Variants in ZNF117 observed in about 807,000 individuals in gnomAD.
ZNF117 encodes the protein zinc finger protein 117, also known as Krueppel-related zinc finger protein.
In ZNF117, 37 loss-of-function variants were observed where a neutral mutation model predicts 41.2. The ratio of observed to expected loss-of-function variants is 0.90; its 90% confidence interval spans 0.69 to 1.18. The LOEUF (loss-of-function observed/expected upper bound fraction) is 1.18, where lower values mean the gene tolerates loss of function less well. Ranked by LOEUF, ZNF117 falls within the 50% of genes most tolerant of loss-of-function variation. The pLI is 0.00. For synonymous variants in ZNF117, 186 were observed against 186.6 expected (o/e 1.00, Z 0.02); for missense variants, 546 against 557.5 (o/e 0.98, Z 0.21).
upstream of ZNF117, among the ~76,000 whole-genome samples, chr7:64,983,976 C>A (rs1424586326): frequency 6.6e-6 from 1 of 152,202 alleles, no homozygotes; most frequent in Non-Finnish European, 1.5e-5. Context: ...ACCCAAATTG[C>A]ACAGCTACTC....
chr7:64,976,718 T>C (rs1005421723), exon 3 of ZNF117: 2 of 353,242 alleles, frequency 5.7e-6, no homozygotes, highest in Non-Finnish European at 5.6e-6. Flanking sequence ...CTTTGTACCA[T>C]TCTTCATATT....
chr7:64,989,481 A>G lies in ZNF117; in HGVS notation c.-196+466T>C, dbSNP rs1179839622. ...TATATATATATATATATATATATAT[A>G]TATATATATATATATATAAAACCTG... is the stretch of plus-strand genomic sequence containing the variant. On this transcript the variant is annotated intron_variant, in intron 1 of 3. Transcript: ENST00000282869. Among the ~76,000 whole-genome samples the G allele has an allele frequency of 4.3e-5, 4 of 93,830 alleles. No homozygotes were observed. In the South Asian group the frequency reaches 9.7e-4, roughly 23 times the overall value. The allele number at this position is 93,830 out of a possible 152,430, so 61.6% of individuals were successfully genotyped here. A position where few individuals can be genotyped will look rare whatever the true frequency, so the allele number is the denominator to read the frequency against.
At chr7:64,979,316 T>C (rs1478356247) in exon 3 of ZNF117, 2 of 1,592,890 alleles carry the variant, frequency 1.3e-6, no homozygotes, top group East Asian at 2.2e-5. Context: ...CTTCTACATA[T>C]TTATTACATT....
chr7:64,983,307 G>C (rs1468820067), upstream of ZNF117, among the ~76,000 whole-genome samples: 1 of 152,044 alleles, frequency 6.6e-6, no homozygotes, highest in Non-Finnish European at 1.5e-5. Flanking sequence ...AGCCACAGAG[G>C]GAACATTTTT....
At chr7:64,982,008 T>C in exon 1 of ZNF117, 1 of 728,412 alleles carries the variant, frequency 1.4e-6, no homozygotes, top group East Asian at 2.7e-5. Context: ...ACCAGGTTTC[T>C]GTAGTTCTCT....
At position 64,978,390 on chromosome 7, in the gene ZNF117, G is replaced by C. The variant is rs186752496; in HGVS notation, c.1181C>G (p.Ser394Cys). ...TGAGGATAGGTGGAAAACTTTGCCA[G>C]ATTCTCTACATTTGTGGGGATTCTC... Residue 394 changes from serine (S) to cysteine (C), a missense_variant, in exon 3 of 3, where the codon TCT becomes TGT. Transcript: ENST00000620222. The C allele has an allele frequency of 4.3e-6, 7 of 1,612,320 alleles. No individual in the cohort carries two copies. In the African/African-American group the frequency reaches 8.1e-5, roughly 19 times the overall value.
exon 3 of ZNF117, chr7:64,979,235 T>A (rs3807068): frequency 1.2e-5 from 20 of 1,607,148 alleles, no homozygotes; most frequent in South Asian, 7.8e-5. Context: ...TGCGACATTC[T>A]TTACATTTAA....
chr7:64,983,808 A>C (rs1365817117), upstream of ZNF117, among the ~76,000 whole-genome samples: 6 of 152,212 alleles, frequency 3.9e-5, no homozygotes, highest in African/African-American at 1.4e-4. Context: ...TGGGGCCTCT[A>C]AAACAGAAAC....
exon 3 of ZNF117, chr7:64,978,704 G>A (rs574375280): frequency 1.2e-6 from 2 of 1,612,498 alleles, no homozygotes; most frequent in African/African-American, 1.3e-5. Context: ...TAAGGGTTGA[G>A]GACTGGTTAA....
At chr7:64,983,736 C>T (rs1159610056), upstream of ZNF117, among the ~76,000 whole-genome samples, 1 of 152,212 alleles carries the variant, frequency 6.6e-6, no homozygotes, top group Non-Finnish European at 1.5e-5. Context: ...CAGAGATAGA[C>T]AGAGATAGCT....
chr7:64,987,376 T>C (rs1459016450), intron 1 of ZNF117, among the ~76,000 whole-genome samples: 1 of 152,048 alleles, frequency 6.6e-6, no homozygotes, highest in African/African-American at 2.4e-5. Flanking sequence ...TGTAATATCA[T>C]AAATAAAATG....
chr7:64,980,460 A>C (rs1786001413), intron 2 of ZNF117: 1 of 151,290 alleles, frequency 6.6e-6, no homozygotes, highest in African/African-American at 2.4e-5. Flanking sequence ...AAAATCATAA[A>C]AATTGGGATA....
chr7:64,978,868 T>C (rs775090489), exon 3 of ZNF117: 2 of 1,613,664 alleles, frequency 1.2e-6, no homozygotes, highest in Admixed American at 1.7e-5. Flanking sequence ...TCAGTAAGCT[T>C]TGAGGCTTGG....
At chr7:64,981,255 T>TA (rs200296323) in intron 2 of ZNF117, 132 bp downstream of exon 3, 967 of 1,127,856 alleles carry the variant, frequency 8.6e-4, no homozygotes, top group Non-Finnish European at 1.0e-3. Context: ...GAGAGAAAAA[T>TA]AAAAAAAAAC....
At chr7:64,978,806 G>C in exon 3 of ZNF117, 2 of 1,613,372 alleles carry the variant, frequency 1.2e-6, no homozygotes, top group Non-Finnish European at 1.7e-6. Context: ...TAAAAGCTTT[G>C]CCGCATTCTT....
rs148723682 is a variant in ZNF117 at position 64,989,146 on chromosome 7, T to TAC, written c.-196+799_-196+800dup. 1.3e-3 allele frequency among the ~76,000 whole-genome samples: 197 copies of TAC among 148,288 alleles called. 1 individual carries two copies. The highest frequency in any genetic ancestry group is 7.7e-3 in the East Asian group (38 of 4,948). On this transcript the variant is annotated intron_variant, in intron 1 of 3. Transcript: ENST00000282869. ...GAGCCCGAATACCCAAGGCAATGTA[T>TAC]ACACACACACACACACATATATACA...
chr7:64,980,150 A>T (rs980783395), intron 2 of ZNF117: 1 of 152,348 alleles, frequency 6.6e-6, no homozygotes, highest in Non-Finnish European at 1.5e-5. Flanking sequence ...AAACAACTAG[A>T]ACATTTCAGA....
chr7:64,975,383 C>T (rs1785862140), exon 3 of ZNF117: 1 of 151,774 alleles, frequency 6.6e-6, no homozygotes, highest in Admixed American at 6.6e-5. Flanking sequence ...GCAGAATATT[C>T]CTCTGAACAC....
intron 1 of ZNF117, among the ~76,000 whole-genome samples, chr7:64,987,967 C>T (rs1786171553): frequency 2.0e-5 from 3 of 151,984 alleles, no homozygotes; most frequent in Admixed American, 2.0e-4. Context: ...TAATGAATAG[C>T]CTAGCAACCA....
Sources: gnomAD v4.1 joint callset for allele counts (sites outside exome capture counted in the v4.1 genomes callset) on GRCh38, gnomAD v4.1.1 for gene constraint, MANE v1.5 for transcripts, NCBI Gene and HGNC (gene_info 2026-07-23, HGNC 2026-07-21) for gene names.